The following IRS2 variants were observed in gnomAD, a reference collection of about 807,000 sequenced individuals.
IRS2 encodes the protein insulin receptor substrate 2.
A neutral mutation model predicts 70.9 loss-of-function variants in IRS2; 28 were observed. The ratio of observed to expected loss-of-function variants is 0.39; its 90% CI spans 0.29 to 0.54. IRS2 has a LOEUF of 0.54. Among genes scored for constraint, IRS2 ranks in the 20% least tolerant of loss-of-function variants. The pLI is 0.59. For synonymous variants in IRS2, 1,217 were observed against 981.9 expected, an observed-to-expected ratio of 1.24 and a Z score of -4.48; for missense variants, 2,081 against 2,024.1, an observed-to-expected ratio of 1.03 and a Z score of -0.54.
chr13:109,770,720 C>T (rs1040448218), intron 1 of IRS2, among the ~76,000 whole-genome samples: 2 of 152,182 alleles, frequency 1.3e-5, no homozygotes, highest in Admixed American at 6.5e-5. Flanking sequence ...GCCAAGTTGA[C>T]TCTGAAGGCA....
intron 1 of IRS2, among the ~76,000 whole-genome samples, chr13:109,761,432 G>C (rs896632585): frequency 6.6e-6 from 1 of 152,126 alleles, no homozygotes; most frequent in Non-Finnish European, 1.5e-5. Context: ...CAAACATATC[G>C]TACAGGTACA....
intron 1 of IRS2, among the ~76,000 whole-genome samples, chr13:109,760,467 C>T (rs1296800686): frequency 6.6e-6 from 1 of 152,204 alleles, no homozygotes; most frequent in Non-Finnish European, 1.5e-5. Context: ...CAGACGTATC[C>T]ACGTAGAGTT....
chr13:109,771,093 T>A, intron 1 of IRS2, among the ~76,000 whole-genome samples: 1 of 152,222 alleles, frequency 6.6e-6, no homozygotes, highest in South Asian at 2.1e-4. Flanking sequence ...TCCTTTCTAC[T>A]GGACCACTGA....
intron 1 of IRS2, among the ~76,000 whole-genome samples, chr13:109,766,941 C>G (rs1877348372): frequency 6.6e-6 from 1 of 152,238 alleles, no homozygotes; most frequent in South Asian, 2.1e-4. Flanking sequence ...TAAGTCTAAG[C>G]AGAGGAAACA....
At chr13:109,759,475 T>C (rs1877182467) in intron 1 of IRS2, among the ~76,000 whole-genome samples, 2 of 152,146 alleles carry the variant, frequency 1.3e-5, no homozygotes, top group Admixed American at 1.3e-4. Flanking sequence ...TGGACCCAGA[T>C]GACTAGGACC....
At chr13:109,774,738 T>C (rs773317867) in intron 1 of IRS2, among the ~76,000 whole-genome samples, 3 of 152,196 alleles carry the variant, frequency 2.0e-5, no homozygotes, top group Non-Finnish European at 4.4e-5. Context: ...ATGGGGTTCA[T>C]GGTGGTTCTG....
chr13:109,761,447 A>G (rs766046628), intron 1 of IRS2, among the ~76,000 whole-genome samples: 10 of 152,254 alleles, frequency 6.6e-5, no homozygotes, highest in Non-Finnish European at 1.5e-4. Flanking sequence ...GGTACATCTC[A>G]GTGCCCAGTT....
chr13:109,761,187 T>C (rs1273041817), intron 1 of IRS2, among the ~76,000 whole-genome samples: 1 of 152,190 alleles, frequency 6.6e-6, no homozygotes. Flanking sequence ...TAGGGCCCCA[T>C]GGCACGGCTG....
At position 109,785,966 on chromosome 13, in the gene IRS2, T is replaced by TGTG; in HGVS notation, c.85_87dup (p.His29dup). 6 of 1,494,516 alleles carry TGTG rather than the reference T, an allele frequency of 4.0e-6. No homozygotes were observed. Among genetic ancestry groups the TGTG allele is most frequent in the Non-Finnish European group, 4.4e-6 (5 of 1,128,054 alleles). 92.6% of individuals were successfully genotyped at this position (1,494,516 alleles called of 1,614,324 possible). On this transcript the variant is annotated inframe_insertion, in exon 1 of 2. Transcript: ENST00000375856. The surrounding 1 kb of genome is among the most constrained non-coding windows in gnomAD (Gnocchi z 9.3). ...CGCAGGTAGCCGCACTTGCGCACGC[T>TGTG]GTGGTTGTTGTTGTTGTTGTTGTTG...
intron 1 of IRS2, among the ~76,000 whole-genome samples, chr13:109,774,008 CCT>C (rs1877516428): frequency 6.6e-6 from 1 of 152,218 alleles, no homozygotes; most frequent in Non-Finnish European, 1.5e-5. Context: ...CCTCACACAG[CCT>C]CTGTTTTCAC....
In IRS2 at chr13:109,783,939, C is replaced by G. The variant is rs1177754203; in HGVS notation, c.2115G>C (p.Ala705=). The part of the protein sequence containing the change: ...AAAAAAAVPS[A]GPAGPAPTSA... The stretch of plus-strand genomic sequence containing the variant: ...AGGTGGGTGCTGGCCCCGCAGGCCC[C>G]GCAGAAGGCACGGCGGCGGCGGCGG... The change falls in exon 1 of 2, where the codon GCG becomes GCC. Residue 705 remains alanine, a synonymous_variant. Transcript: ENST00000375856. The G allele has an allele frequency of 1.3e-6, 2 of 1,536,792 alleles. No homozygotes were observed. The highest frequency in any genetic ancestry group is 4.9e-5 in the East Asian group (2 of 40,492).
chr13:109,778,920 A>T (rs1178091908), intron 1 of IRS2, among the ~76,000 whole-genome samples: 1 of 152,254 alleles, frequency 6.6e-6, no homozygotes, highest in African/African-American at 2.4e-5. Flanking sequence ...ATCAGTTTTA[A>T]AGCACAGGAA....
At chr13:109,775,572 C>T (rs527320449) in intron 1 of IRS2, among the ~76,000 whole-genome samples, 3 of 152,234 alleles carry the variant, frequency 2.0e-5, no homozygotes, top group Admixed American at 2.0e-4. Flanking sequence ...TTTCATACCA[C>T]ACCGTAATAA....
chr13:109,779,744 C>G (rs1263094388), intron 1 of IRS2, among the ~76,000 whole-genome samples: 1 of 152,132 alleles, frequency 6.6e-6, no homozygotes, highest in African/African-American at 2.4e-5. Flanking sequence ...GAGGGTTCAT[C>G]ATGATACCCA....
In IRS2 at chr13:109,783,864, G is replaced by A. The variant is rs1485717201; in HGVS notation, c.2190C>T (p.Ser730=). 2 of 1,554,930 alleles carry A rather than the reference G, an allele frequency of 1.3e-6. No individual in the cohort carries two copies. The highest frequency in any genetic ancestry group is 1.9e-5 in the Admixed American group (1 of 52,054). ...FPASGGGYKA[S]SPAESSPEDS... The stretch of plus-strand genomic sequence containing the variant: ...CCTCGGGGGAGCTCTCGGCGGGCGA[G>A]CTGGCCTTGTAGCCGCCCCCGCTCG... The change falls in exon 1 of 2, where the codon AGC becomes AGT. Residue 730 remains serine (S), a synonymous_variant. Coordinates refer to ENST00000375856, the MANE Select transcript of IRS2 (RefSeq NM_003749.3).
Position 109,783,176 on chromosome 13 carries a change from A to C in IRS2, c.2878T>G (p.Ser960Ala). 1 of 1,380,956 alleles carries C rather than the reference A, an allele frequency of 7.2e-7. No homozygotes were observed. Among genetic ancestry groups the C allele is most frequent in the South Asian group, 1.6e-5 (1 of 61,034 alleles). The allele number at this position is 1,380,956 out of a possible 1,614,324, so 85.5% of individuals were successfully genotyped here. The change falls in exon 1 of 2, where the codon TCA becomes GCA. Residue 960 changes from serine (S) to alanine (A), a missense_variant. This residue lies in a region of IRS2 where 1,615 missense variants were observed against 1,459.5 expected (regional missense o/e 1.11). Transcript: ENST00000375856. ...TCGCTGCTGGTGCCCGGGGTGCCTG[A>C]GCCCAGCGACGAGGCCGGGCTGCTG... is the stretch of plus-strand genomic sequence containing the variant. The part of the protein sequence containing the change: ...SASSPASSLG[S>A]GTPGTSSDSR...
At chr13:109,772,977 G>A (rs1387161800) in intron 1 of IRS2, among the ~76,000 whole-genome samples, 2 of 152,046 alleles carry the variant, frequency 1.3e-5, no homozygotes, top group Non-Finnish European at 2.9e-5. Flanking sequence ...TTACAGGCGT[G>A]AGCCACCGCG....
intron 1 of IRS2, among the ~76,000 whole-genome samples, chr13:109,775,753 AACACACACACACAC>A (rs71127906): frequency 3.7e-4 from 52 of 140,530 alleles, no homozygotes; most frequent in Middle Eastern, 3.7e-3. Context: ...ATATTATGGA[AACACACACACACAC>A]ACACACACAC....
rs2138930238 is a variant in IRS2 at position 109,782,626 on chromosome 13, C to T, written c.3428G>A (p.Gly1143Asp). The T allele has an allele frequency of 1.9e-6, 3 of 1,573,102 alleles. No homozygotes were observed. The highest frequency in any genetic ancestry group is 2.6e-6 in the Non-Finnish European group (3 of 1,161,312). ...GGTCTCGGAACTGTGGCGGCGGCGG[C>T]CCCCCTGCGGGTCTGCGCGGATGAC... ...AKVIRADPQG[G>D]RRRHSSETFS... is the part of the protein sequence containing the mutation. The change falls in exon 1 of 2, where the codon GGC becomes GAC. Residue 1143 changes from glycine to aspartate, a missense_variant. Gly to Asp is a moderately conservative substitution (Grantham distance 94, BLOSUM62 -1). Transcript: ENST00000375856.
Sources: allele counts gnomAD v4.1 joint callset (sites outside exome capture counted in the v4.1 genomes callset), GRCh38; gene constraint gnomAD v4.1.1; regional missense constraint gnomAD v4.1.1; non-coding constraint Gnocchi (gnomAD v3.1); transcripts MANE v1.5; gene names NCBI Gene and HGNC (gene_info 2026-07-23, HGNC 2026-07-21).